Variants in ARHGAP18 observed in about 807,000 individuals in gnomAD.
The protein encoded by ARHGAP18 is Rho GTPase activating protein 18.
ARHGAP18 carries 67 observed loss-of-function variants against 86.2 expected under a neutral mutation model. The ratio of observed to expected loss-of-function variants is 0.78; its 90% CI spans 0.64 to 0.95. The LOEUF is 0.95. Ranked by LOEUF, ARHGAP18 falls within the 40% of genes least tolerant of loss-of-function variation. The pLI is 0.00. For missense variants in ARHGAP18, 691 were observed against 780.4 expected (o/e 0.89, Z 1.37); for synonymous variants, 283 against 280.4 (o/e 1.01, Z -0.09).
intron 1 of ARHGAP18, among the ~76,000 whole-genome samples, chr6:129,684,248 C>T (rs1403481189): frequency 6.6e-6 from 1 of 152,210 alleles, no homozygotes; most frequent in Non-Finnish European, 1.5e-5. Context: ...TCTGTGGTTT[C>T]TCCAGCAAAA....
chr6:129,642,886 A>T (rs1381060453), intron 1 of ARHGAP18, among the ~76,000 whole-genome samples: 1 of 152,142 alleles, frequency 6.6e-6, no homozygotes, highest in African/African-American at 2.4e-5. Context: ...CCCATGATTT[A>T]TATGTATTAA....
intron 1 of ARHGAP18, among the ~76,000 whole-genome samples, chr6:129,709,175 A>C (rs1308687236): frequency 6.6e-6 from 1 of 152,228 alleles, no homozygotes; most frequent in Non-Finnish European, 1.5e-5. Context: ...TTAGTGTTCT[A>C]GGCTATTAGG....
chr6:129,630,600 A>G (rs1584069384), intron 4 of ARHGAP18, among the ~76,000 whole-genome samples: 1 of 152,226 alleles, frequency 6.6e-6, no homozygotes, highest in South Asian at 2.1e-4. Context: ...TCAGAAAAAT[A>G]ATGTTTATAT....
intron 5 of ARHGAP18, 34 bp downstream of exon 5, chr6:129,629,319 A>G: frequency 2.5e-6 from 4 of 1,588,604 alleles, no homozygotes; most frequent in Non-Finnish European, 2.6e-6. Context: ...GTATATGTAC[A>G]TATATGTATA....
At chr6:129,590,653 T>C (rs767224219) in intron 12 of ARHGAP18, among the ~76,000 whole-genome samples, 7 of 152,316 alleles carry the variant, frequency 4.6e-5, no homozygotes, top group Non-Finnish European at 1.0e-4. Flanking sequence ...ACGGTAGTCA[T>C]TTTGACTCAT....
chr6:129,645,368 G>C (rs1251387897), intron 1 of ARHGAP18, among the ~76,000 whole-genome samples: 2 of 152,002 alleles, frequency 1.3e-5, no homozygotes, highest in Non-Finnish European at 2.9e-5. Context: ...TCTGCAAATG[G>C]GGTTCAAAAA....
intron 1 of ARHGAP18, among the ~76,000 whole-genome samples, chr6:129,655,922 A>T (rs1410657991): frequency 6.6e-6 from 1 of 152,222 alleles, no homozygotes; most frequent in African/African-American, 2.4e-5. Flanking sequence ...TTTAAAAAGA[A>T]CTTCACCCAC....
chr6:129,595,988 G>A lies in ARHGAP18; in HGVS notation c.1713+3228C>T, dbSNP rs116110024. ...AACCATTTCTCCACTTTCCGATGCTGATACCCTGGTCTGAACCACCATTAT... is the reference window on the plus strand; with the variant it reads ...AACCATTTCTCCACTTTCCGATGCTAATACCCTGGTCTGAACCACCATTAT... On this transcript the variant is annotated intron_variant, in intron 12 of 14. Coordinates refer to ENST00000368149, the MANE Select transcript of ARHGAP18 (RefSeq NM_033515.3). 3.5e-3 allele frequency among the ~76,000 whole-genome samples: 539 copies of A among 152,220 alleles called. 5 individuals carry two copies. Among genetic ancestry groups the A allele is most frequent in the African/African-American group, 0.012 (514 of 41,534 alleles).
At chr6:129,598,160 C>CA (rs1350517544) in intron 12 of ARHGAP18, among the ~76,000 whole-genome samples, 6 of 150,444 alleles carry the variant, frequency 4.0e-5, no homozygotes, top group African/African-American at 1.5e-4. Flanking sequence ...TAACCAAATG[C>CA]CAAAAAAAAA....
chr6:129,639,076 G>A (rs1163102228), intron 2 of ARHGAP18, among the ~76,000 whole-genome samples: 4 of 152,176 alleles, frequency 2.6e-5, no homozygotes, highest in African/African-American at 9.7e-5. Context: ...GTTCACTGTA[G>A]CTGACAGGAA....
chr6:129,661,491 C>T (rs1181782693), intron 1 of ARHGAP18, among the ~76,000 whole-genome samples: 5 of 148,040 alleles, frequency 3.4e-5, no homozygotes, highest in Non-Finnish European at 5.9e-5. Context: ...TAATAAATAT[C>T]CACCCTTTTT....
chr6:129,709,517 G>A (rs961412858), intron 1 of ARHGAP18, among the ~76,000 whole-genome samples: 3 of 152,206 alleles, frequency 2.0e-5, no homozygotes, highest in African/African-American at 7.2e-5. Flanking sequence ...TATTGCCACA[G>A]GCCAGTGTCT....
chr6:129,706,385 T>C (rs950008946), intron 1 of ARHGAP18, among the ~76,000 whole-genome samples: 2 of 152,140 alleles, frequency 1.3e-5, no homozygotes, highest in Non-Finnish European at 2.9e-5. Flanking sequence ...AATCCTCATG[T>C]TTTGAGGAGG....
chr6:129,690,256 G>A (rs930237043), intron 1 of ARHGAP18, among the ~76,000 whole-genome samples: 13 of 151,994 alleles, frequency 8.6e-5, no homozygotes, highest in Middle Eastern at 3.2e-3. Context: ...AAGTGTAACC[G>A]TTCACAAAAA....
At chr6:129,628,786 T>A (rs1773101866) in intron 5 of ARHGAP18, among the ~76,000 whole-genome samples, 1 of 151,998 alleles carries the variant, frequency 6.6e-6, no homozygotes. Flanking sequence ...TGACAACAAA[T>A]ACAGTATATG....
At chr6:129,639,271 G>C (rs529597556) in intron 2 of ARHGAP18, among the ~76,000 whole-genome samples, 1 of 152,122 alleles carries the variant, frequency 6.6e-6, no homozygotes, top group East Asian at 1.9e-4. Context: ...TCAAAACACT[G>C]AAAGCAGGAA....
intron 5 of ARHGAP18, among the ~76,000 whole-genome samples, chr6:129,622,938 T>A (rs1197912432): frequency 1.4e-5 from 2 of 146,032 alleles, no homozygotes; most frequent in Admixed American, 1.4e-4. Flanking sequence ...GAGGTGGATG[T>A]TGCAGTGAGC....
intron 1 of ARHGAP18, among the ~76,000 whole-genome samples, chr6:129,672,889 G>T (rs1774164384): frequency 6.6e-6 from 1 of 152,214 alleles, no homozygotes; most frequent in African/African-American, 2.4e-5. Flanking sequence ...AACAACGACA[G>T]ACTTTCAGAG....
At chr6:129,628,948 T>C (rs917148960) in intron 5 of ARHGAP18, among the ~76,000 whole-genome samples, 2 of 152,138 alleles carry the variant, frequency 1.3e-5, no homozygotes, top group African/African-American at 2.4e-5. Context: ...AAAAAGTACA[T>C]ATAGATAGAT....
Sources: gnomAD v4.1 joint callset for allele counts (sites outside exome capture counted in the v4.1 genomes callset) on GRCh38, gnomAD v4.1.1 for gene constraint, MANE v1.5 for transcripts, NCBI Gene and HGNC (gene_info 2026-07-23, HGNC 2026-07-21) for gene names.